The following FOXP2 variants were observed in gnomAD, a reference collection of about 807,000 sequenced individuals.
FOXP2 encodes forkhead box P2, also known as forkhead box protein P2.
FOXP2 carries 12 observed loss-of-function variants against 115.8 expected under a neutral mutation model. The ratio of observed to expected loss-of-function variants is 0.10; its 90% CI spans 0.07 to 0.17. FOXP2 has a LOEUF of 0.17. Ranked by LOEUF, FOXP2 falls within the 10% of genes least tolerant of loss-of-function variation. The pLI is 1.00. For synonymous variants in FOXP2, 328 were observed against 297.7 expected, an observed-to-expected ratio of 1.10 and a Z score of -1.05; for missense variants, 629 against 843.5, an observed-to-expected ratio of 0.75 and a Z score of 3.15.
intron 3 of FOXP2, among the ~76,000 whole-genome samples, chr7:114,597,209 T>C (rs1268857921): frequency 6.6e-6 from 1 of 152,052 alleles, no homozygotes. Context: ...AGTTACTAAC[T>C]CTAGAAATGA....
intron 6 of FOXP2, among the ~76,000 whole-genome samples, chr7:114,636,593 G>T (rs899832783): frequency 6.7e-6 from 1 of 148,598 alleles, no homozygotes; most frequent in African/African-American, 2.5e-5. Context: ...TCAATTACTG[G>T]ACACAGAAAA....
At chr7:114,543,237 T>C (rs549592797) in intron 3 of FOXP2, among the ~76,000 whole-genome samples, 2 of 152,192 alleles carry the variant, frequency 1.3e-5, no homozygotes, top group African/African-American at 4.8e-5. Flanking sequence ...TATAGTATAG[T>C]GGATTTTTCA....
chr7:114,155,951 G>T lies in FOXP2; in HGVS notation c.-246-6993G>T, dbSNP rs542883503. Among the ~76,000 whole-genome samples the T allele has an allele frequency of 2.6e-4, 39 of 152,244 alleles. No homozygotes were observed. In the South Asian group the frequency reaches 7.7e-3, roughly 30 times the overall value. On this transcript the variant is annotated intron_variant, in intron 1 of 19. Transcript: ENST00000635638. ...ACTCTTCCCTTGGGGTGCACTGTCT[G>T]TATGCACAGTGGCTTGCTAACACTT...
intron 2 of FOXP2, among the ~76,000 whole-genome samples, chr7:114,445,556 T>C (rs1794797683): frequency 6.6e-6 from 1 of 152,168 alleles, no homozygotes. Context: ...GCTGAAACTG[T>C]GCTTCATATC....
At chr7:114,406,695 A>G (rs1201843057) in intron 2 of FOXP2, among the ~76,000 whole-genome samples, 1 of 151,918 alleles carries the variant, frequency 6.6e-6, no homozygotes, top group Non-Finnish European at 1.5e-5. Flanking sequence ...GAATATCCAA[A>G]ACTTGCTTTC....
At position 114,653,908 on chromosome 7, in the gene FOXP2, C is replaced by G. The variant is rs1165988378; in HGVS notation, c.1183-18C>G. On this transcript the variant is annotated intron_variant, in intron 9 of 16. Transcript: ENST00000350908. The stretch of plus-strand genomic sequence containing the variant: ...CAGTCATTTCTAAAACGCTTCTGAT[C>G]TCACTCTTTCTTAACAGCTTTCTAA... 1 of 1,610,954 alleles carries G rather than the reference C, an allele frequency of 6.2e-7. No individual in the cohort carries two copies. Among genetic ancestry groups the G allele is most frequent in the South Asian group, 1.1e-5 (1 of 91,028 alleles).
At chr7:114,496,261 T>A (rs925406481) in intron 2 of FOXP2, among the ~76,000 whole-genome samples, 1 of 152,156 alleles carries the variant, frequency 6.6e-6, no homozygotes, top group Non-Finnish European at 1.5e-5. Context: ...GAACTATAAA[T>A]TTGGCAGAAT....
chr7:114,399,114 C>CT (rs66789053), intron 2 of FOXP2, among the ~76,000 whole-genome samples: 69,655 of 141,344 alleles, frequency 0.49, 18,614 homozygotes, highest in East Asian at 0.94. Context: ...TTTTCTTTTT[C>CT]TTTTTTTTTT....
intron 2 of FOXP2, among the ~76,000 whole-genome samples, chr7:114,517,009 T>C (rs1798378500): frequency 6.6e-6 from 1 of 151,904 alleles, no homozygotes; most frequent in East Asian, 1.9e-4. Flanking sequence ...CTTTTAATAG[T>C]AACCATTCTT....
intron 2 of FOXP2, among the ~76,000 whole-genome samples, chr7:114,369,784 G>C (rs1791961082): frequency 6.6e-6 from 1 of 151,924 alleles, no homozygotes; most frequent in Admixed American, 6.6e-5. Context: ...TTATTATACT[G>C]ATTATATATT....
intron 2 of FOXP2, among the ~76,000 whole-genome samples, chr7:114,402,107 G>A (rs1418104326): frequency 2.0e-5 from 3 of 152,234 alleles, no homozygotes; most frequent in African/African-American, 7.2e-5. Flanking sequence ...ATGCAACAGA[G>A]CAAGACTCTG....
At chr7:114,279,408 T>C (rs974225772) in intron 1 of FOXP2, among the ~76,000 whole-genome samples, 1 of 152,188 alleles carries the variant, frequency 6.6e-6, no homozygotes, top group Non-Finnish European at 1.5e-5. Context: ...GGTTATTTAT[T>C]CCTCAGATGA....
chr7:114,654,200 C>G, intron 10 of FOXP2, 191 bp downstream of exon 10: 1 of 1,324,466 alleles, frequency 7.6e-7, no homozygotes, highest in Non-Finnish European at 1.0e-6. Flanking sequence ...CAAAATCTAT[C>G]CAATCTACAC....
intron 2 of FOXP2, among the ~76,000 whole-genome samples, chr7:114,530,063 G>A (rs1799065621): frequency 6.6e-6 from 1 of 151,806 alleles, no homozygotes; most frequent in Non-Finnish European, 1.5e-5. Flanking sequence ...GTGTCCTGCT[G>A]GCAATTTTTT....
intron 1 of FOXP2, among the ~76,000 whole-genome samples, chr7:114,095,066 G>T (rs957754275): frequency 6.6e-6 from 1 of 152,148 alleles, no homozygotes; most frequent in Non-Finnish European, 1.5e-5. Flanking sequence ...TGAGAATGAA[G>T]ATGAATAGTT....
chr7:114,672,166 C>A (rs924377708), intron 16 of FOXP2, among the ~76,000 whole-genome samples: 1 of 152,174 alleles, frequency 6.6e-6, no homozygotes, highest in African/African-American at 2.4e-5. Flanking sequence ...GAGGATAAGT[C>A]ACCATTGATC....
chr7:114,172,000 C>G (rs1793155658), intron 1 of FOXP2, among the ~76,000 whole-genome samples: 1 of 151,944 alleles, frequency 6.6e-6, no homozygotes. Flanking sequence ...AGAATTGGAG[C>G]CTGAAGATGT....
At chr7:114,269,025 T>C (rs2129172496) in intron 1 of FOXP2, among the ~76,000 whole-genome samples, 1 of 152,326 alleles carries the variant, frequency 6.6e-6, no homozygotes, top group South Asian at 2.1e-4. Flanking sequence ...GCTGAATATA[T>C]TATAAAGACA....
Position 114,466,067 on chromosome 7 carries a change from A to G in FOXP2, c.168+39388A>G, listed in dbSNP as rs372242263. On this transcript the variant is annotated intron_variant, in intron 2 of 16. Transcript: ENST00000350908. ...AGGATTTAAATTTCTAGAGTAAACC[A>G]TTGGAGCTTCTCTTCTTGTTCCTAG... Among the ~76,000 whole-genome samples, 16 of 152,236 alleles carry G rather than the reference A, an allele frequency of 1.1e-4. No homozygotes were observed. The South Asian group carries it at 2.9e-3, about 28-fold the overall frequency.
Sources: allele counts gnomAD v4.1 joint callset (sites outside exome capture counted in the v4.1 genomes callset), GRCh38; gene constraint gnomAD v4.1.1; transcripts MANE v1.5; gene names NCBI Gene and HGNC (gene_info 2026-07-23, HGNC 2026-07-21).